The following GRM8 variants were observed in gnomAD, a reference collection of about 807,000 sequenced individuals.
GRM8 encodes the protein metabotropic glutamate receptor 8.
In GRM8, 47 loss-of-function variants were observed where a neutral mutation model predicts 87.2. The observed-to-expected ratio is 0.54, with a 90% confidence interval of 0.43 to 0.69. GRM8 has a LOEUF of 0.69. Ranked by LOEUF, GRM8 falls within the 30% of genes least tolerant of loss-of-function variation. The pLI, the probability that GRM8 is intolerant of heterozygous loss-of-function variation, is 0.00. For synonymous variants in GRM8, 396 were observed against 404.5 expected, an observed-to-expected ratio of 0.98 and a Z score of 0.25; for missense variants, 1,019 against 1,139.2, an observed-to-expected ratio of 0.89 and a Z score of 1.52.
chr7:126,523,349 GT>G lies in GRM8; in HGVS notation c.2430+9602del, dbSNP rs1207960396. 2.0e-5 allele frequency among the ~76,000 whole-genome samples: 3 copies of G among 151,826 alleles called. No homozygotes were observed. The East Asian group carries it at 5.8e-4, about 29-fold the overall frequency. On this transcript the variant is annotated intron_variant, in intron 9 of 10. Transcript: ENST00000339582. Reference sequence around the variant, plus strand: ...AATTAATGAGTTTGAATGTTTTTTTGTTTTGTTTTTCCTGTTGTGTAAAGAA... The same window carrying G: ...AATTAATGAGTTTGAATGTTTTTTTGTTTGTTTTTCCTGTTGTGTAAAGAA...
intron 3 of GRM8, among the ~76,000 whole-genome samples, chr7:127,088,232 TTGG>T (rs1002948203): frequency 6.6e-6 from 1 of 152,014 alleles, no homozygotes; most frequent in Non-Finnish European, 1.5e-5. Context: ...CTGGACTCAA[TTGG>T]TGGTGGTGGT....
At chr7:127,173,902 AT>A (rs1793953541) in intron 2 of GRM8, among the ~76,000 whole-genome samples, 1 of 152,096 alleles carries the variant, frequency 6.6e-6, no homozygotes, top group African/African-American at 2.4e-5. Flanking sequence ...ATTTGAGATT[AT>A]TTTTCACCTA....
At chr7:126,855,018 G>A (rs1383450816) in intron 6 of GRM8, among the ~76,000 whole-genome samples, 1 of 152,096 alleles carries the variant, frequency 6.6e-6, no homozygotes, top group East Asian at 1.9e-4. Flanking sequence ...AGCTCTCAGG[G>A]GGAATGCTTT....
chr7:127,043,846 G>A (rs1818675498), intron 3 of GRM8, among the ~76,000 whole-genome samples: 1 of 152,166 alleles, frequency 6.6e-6, no homozygotes, highest in Non-Finnish European at 1.5e-5. Flanking sequence ...GGGTAGCCAA[G>A]GGCATGGTAA....
intron 3 of GRM8, among the ~76,000 whole-genome samples, chr7:127,042,413 G>A (rs1818511310): frequency 1.3e-5 from 2 of 152,288 alleles, no homozygotes; most frequent in South Asian, 4.1e-4. Context: ...GAAGTGGGGA[G>A]GTGCAATCGG....
At chr7:127,093,629 TC>T (rs543308433) in intron 3 of GRM8, among the ~76,000 whole-genome samples, 8 of 152,246 alleles carry the variant, frequency 5.3e-5, no homozygotes, top group Non-Finnish European at 1.0e-4. Context: ...ATTATTTTTT[TC>T]CTCACTGCTA....
At chr7:127,114,354 T>C (rs73720663) in intron 2 of GRM8, among the ~76,000 whole-genome samples, 1,977 of 152,198 alleles carry the variant, frequency 0.013, 34 homozygotes, top group African/African-American at 0.045. Flanking sequence ...GTACACTATA[T>C]TGCACCATAT....
At chr7:127,227,883 A>G (rs898905454) in intron 2 of GRM8, among the ~76,000 whole-genome samples, 4 of 152,226 alleles carry the variant, frequency 2.6e-5, no homozygotes, top group African/African-American at 9.6e-5. Flanking sequence ...TACTGAGGCC[A>G]CTGCCCACCA....
intron 3 of GRM8, among the ~76,000 whole-genome samples, chr7:126,910,679 A>G (rs1440365354): frequency 6.6e-6 from 1 of 152,216 alleles, no homozygotes; most frequent in Non-Finnish European, 1.5e-5. Context: ...GCCTTAGTGT[A>G]TTCATCTGTA....
At chr7:126,758,371 T>C (rs1563158405) in intron 7 of GRM8, among the ~76,000 whole-genome samples, 1 of 152,152 alleles carries the variant, frequency 6.6e-6, no homozygotes, top group Non-Finnish European at 1.5e-5. Flanking sequence ...GCTTATAAAA[T>C]ATAAATAACT....
chr7:127,174,923 G>C (rs1253678443), intron 2 of GRM8, among the ~76,000 whole-genome samples: 1 of 152,030 alleles, frequency 6.6e-6, no homozygotes, highest in Non-Finnish European at 1.5e-5. Flanking sequence ...GTCACTTATG[G>C]GAACAGCTTA....
chr7:126,925,061 G>C, intron 3 of GRM8, among the ~76,000 whole-genome samples: 1 of 152,146 alleles, frequency 6.6e-6, no homozygotes, highest in Non-Finnish European at 1.5e-5. Flanking sequence ...TGACAGAAGA[G>C]AGCAAGACCT....
chr7:127,117,991 A>G (rs1587068896), intron 2 of GRM8, among the ~76,000 whole-genome samples: 1 of 152,374 alleles, frequency 6.6e-6, no homozygotes, highest in East Asian at 1.9e-4. Context: ...CGTTTATGCA[A>G]GTAAGTTTCC....
At chr7:126,665,836 T>C (rs377354563) in intron 7 of GRM8, among the ~76,000 whole-genome samples, 16 of 152,098 alleles carry the variant, frequency 1.1e-4, no homozygotes, top group African/African-American at 9.7e-5. Context: ...CTTTAACATA[T>C]ATCAACATGC....
At chr7:126,740,165 T>C (rs1169084284) in intron 7 of GRM8, among the ~76,000 whole-genome samples, 3 of 152,070 alleles carry the variant, frequency 2.0e-5, no homozygotes, top group Admixed American at 1.3e-4. Context: ...CCAGGCAACA[T>C]TGAGAATGAT....
chr7:126,494,818 A>G (rs1197232841), intron 9 of GRM8, among the ~76,000 whole-genome samples: 4 of 152,042 alleles, frequency 2.6e-5, no homozygotes, highest in African/African-American at 4.8e-5. Flanking sequence ...AGTTTACTAA[A>G]ATCACAAAAT....
chr7:126,600,955 A>C (rs1797685102), intron 8 of GRM8, among the ~76,000 whole-genome samples: 1 of 151,946 alleles, frequency 6.6e-6, no homozygotes, highest in Admixed American at 6.6e-5. Flanking sequence ...TTATACTTTA[A>C]GTTTTAGGGT....
intron 2 of GRM8, among the ~76,000 whole-genome samples, chr7:127,223,594 G>T (rs1252887442): frequency 6.6e-6 from 1 of 151,996 alleles, no homozygotes; most frequent in Admixed American, 6.6e-5. Flanking sequence ...TGAGTGTGGA[G>T]GCTGGCCTTT....
intron 2 of GRM8, among the ~76,000 whole-genome samples, chr7:127,183,099 G>A (rs954432666): frequency 4.6e-5 from 7 of 151,822 alleles, no homozygotes; most frequent in African/African-American, 7.2e-5. Flanking sequence ...AAGGGATAGA[G>A]CACATATCAT....
Sources: allele counts gnomAD v4.1 joint callset (sites outside exome capture counted in the v4.1 genomes callset), GRCh38; gene constraint gnomAD v4.1.1; transcripts MANE v1.5; gene names NCBI Gene and HGNC (gene_info 2026-07-23, HGNC 2026-07-21).